CD163L1: variants seen among roughly 807,000 people sequenced by gnomAD.
CD163L1 encodes CD163 molecule like 1, also known as scavenger receptor cysteine-rich type 1 protein M160.
A neutral mutation model predicts 165.4 loss-of-function variants in CD163L1; 124 were observed. The observed-to-expected ratio is 0.75, with a 90% confidence interval of 0.65 to 0.87. The LOEUF (loss-of-function observed/expected upper bound fraction) is 0.87. Ranked by LOEUF, CD163L1 falls within the 40% of genes least tolerant of loss-of-function variation. The pLI is 0.00. For synonymous variants in CD163L1, 585 were observed against 662.2 expected, an observed-to-expected ratio of 0.88 and a Z score of 1.79; for missense variants, 1,525 against 1,799.9, an observed-to-expected ratio of 0.85 and a Z score of 2.76.
rs768093027 is a variant in CD163L1, at chr12:7,406,802, C to T, written c.817G>A (p.Gly273Arg). The change falls in exon 5 of 20, where the codon GGG (glycine) becomes AGG (arginine). Residue 273 changes from glycine to arginine, a missense_variant. Physicochemically the swap from Gly to Arg is moderately radical, Grantham distance 125. Coordinates refer to ENST00000313599, the MANE Select transcript of CD163L1 (RefSeq NM_174941.6). ...CCTTGGATTTTCAGCTCTACTCTCCCCATACAGCGGTTAGTTCCACCTACA... is the reference window on the plus strand; with the variant it reads ...CCTTGGATTTTCAGCTCTACTCTCCTCATACAGCGGTTAGTTCCACCTACA... Reference protein sequence around the residue: ...RLVGGTNRCMGRVELKIQGRW... With the variant: ...RLVGGTNRCMRRVELKIQGRW... 17 of 1,614,032 alleles carry T rather than the reference C, an allele frequency of 1.1e-5. No homozygotes were observed. The South Asian group carries it at 1.9e-4, about 18-fold the overall frequency.
At position 7,357,468 on chromosome 12, in the gene CD163L1, C is replaced by T; in HGVS notation, c.4298G>A (p.Gly1433Asp). ...CGATGTGTCGCTAGCATCTTCACAA[C>T]CATGGTTGGGGGTGTCATCTGAAAG... The part of the protein sequence containing the change: ...TRTSDDTPNH[G>D]CEDASDTSLL... The change falls in exon 19 of 20, where the codon GGT becomes GAT. Residue 1433 changes from glycine (G) to aspartate (D), a missense_variant. Transcript: ENST00000313599. 6.2e-7 allele frequency: 1 copy of T among 1,612,572 alleles called. No individual in the cohort carries two copies. The highest frequency in any genetic ancestry group is 8.5e-7 in the Non-Finnish European group (1 of 1,179,010).
intron 2 of CD163L1, chr12:7,439,984 T>C (rs1434460896): frequency 2.6e-6 from 4 of 1,552,364 alleles, no homozygotes; most frequent in Non-Finnish European, 3.5e-6. Flanking sequence ...CGCAGCCTGC[T>C]CCATCCTAGC....
At chr12:7,413,386 G>T (rs1041377200) in intron 4 of CD163L1, among the ~76,000 whole-genome samples, 1 of 152,056 alleles carries the variant, frequency 6.6e-6, no homozygotes, top group Non-Finnish European at 1.5e-5. Context: ...GAATAATCTG[G>T]GGACCATCAG....
chr12:7,318,807 A>C, the CD163L1 span, among the ~76,000 whole-genome samples: 1 of 152,226 alleles, frequency 6.6e-6, no homozygotes, highest in African/African-American at 2.4e-5. Context: ...GTTTAACAAA[A>C]TACATATTAT....
Position 7,432,320 on chromosome 12 carries a change from A to G in CD163L1, c.766+96T>C. ...ACAAAAATGTGTTATAACCAGAGAA[A>G]ATTCTTCTCCAGAGAATGATTGACC... On this transcript the variant is annotated intron_variant, in intron 4 of 19. Coordinates refer to ENST00000313599, the MANE Select transcript of CD163L1 (RefSeq NM_174941.6). This position sits in a 1 kb window ranked among gnomAD's most constrained non-coding sequence, Gnocchi z 4.2. 1 of 956,896 alleles carries G rather than the reference A, an allele frequency of 1.0e-6. No homozygotes were observed. Among genetic ancestry groups the G allele is most frequent in the Non-Finnish European group, 1.5e-6 (1 of 646,040 alleles). The allele number at this position is 956,896 out of a possible 1,614,324, so 59.3% of individuals were successfully genotyped here. A position where few individuals can be genotyped will look rare whatever the true frequency, so the allele number is the denominator to read the frequency against.
rs1371523257 is a variant in CD163L1 at position 7,369,705 on chromosome 12, G to C, written c.3731-40C>G. ...AACATGGCTGTCTTTACTCCTGAAG[G>C]AGGTTGTGGGAGAATGCTGAGGTAG... is the stretch of plus-strand genomic sequence containing the variant. On this transcript the variant is annotated intron_variant, in intron 14 of 19. Coordinates refer to ENST00000313599, the MANE Select transcript of CD163L1 (RefSeq NM_174941.6). This position sits in a 1 kb window ranked among gnomAD's most constrained non-coding sequence, Gnocchi z 4.9. 1 of 1,562,398 alleles carries C rather than the reference G, an allele frequency of 6.4e-7. No individual in the cohort carries two copies. The highest frequency in any genetic ancestry group is 8.7e-7 in the Non-Finnish European group (1 of 1,145,062).
chr12:7,404,561 C>T (rs2136526225), intron 5 of CD163L1, among the ~76,000 whole-genome samples: 1 of 152,112 alleles, frequency 6.6e-6, no homozygotes, highest in Non-Finnish European at 1.5e-5. Context: ...TATTAAATAA[C>T]CCCAAGAAAG....
At chr12:7,383,073 C>T (rs1161909283) in intron 8 of CD163L1, among the ~76,000 whole-genome samples, 1 of 152,214 alleles carries the variant, frequency 6.6e-6, no homozygotes, top group Non-Finnish European at 1.5e-5. Context: ...AGCAGGGACA[C>T]TGTGCACTTT....
intron 4 of CD163L1, among the ~76,000 whole-genome samples, chr12:7,409,443 T>C (rs1226771384): frequency 6.6e-6 from 1 of 152,124 alleles, no homozygotes; most frequent in East Asian, 1.9e-4. Context: ...AGGATGAAAC[T>C]GTTCTGCCTC....
At chr12:7,420,864 A>G (rs1262066447) in intron 4 of CD163L1, among the ~76,000 whole-genome samples, 1 of 151,572 alleles carries the variant, frequency 6.6e-6, no homozygotes, top group Non-Finnish European at 1.5e-5. Flanking sequence ...CGAGAGGAAA[A>G]GAAGTCATTA....
intron 18 of CD163L1, among the ~76,000 whole-genome samples, chr12:7,363,640 T>G (rs991929696): frequency 2.0e-5 from 3 of 151,816 alleles, no homozygotes; most frequent in Admixed American, 2.0e-4. Flanking sequence ...AAAAATATTA[T>G]GAACAACTAT....
chr12:7,342,274 C>T (rs1446593234), downstream of CD163L1, among the ~76,000 whole-genome samples: 1 of 152,340 alleles, frequency 6.6e-6, no homozygotes. Flanking sequence ...GGTGGAAAAC[C>T]ACTTAAAGGC....
At chr12:7,380,682 T>C (rs1010057267) in intron 8 of CD163L1, among the ~76,000 whole-genome samples, 2 of 152,240 alleles carry the variant, frequency 1.3e-5, no homozygotes, top group South Asian at 2.1e-4. Flanking sequence ...GTTCAGTGTA[T>C]ACTGCTTGGG....
chr12:7,378,418 A>G (rs1947316353), intron 9 of CD163L1, among the ~76,000 whole-genome samples: 1 of 152,176 alleles, frequency 6.6e-6, no homozygotes, highest in African/African-American at 2.4e-5. Flanking sequence ...TCATGCTTAC[A>G]ACCTTCAATG....
intron 4 of CD163L1, among the ~76,000 whole-genome samples, chr12:7,410,347 T>C (rs1948111132): frequency 6.6e-6 from 1 of 152,178 alleles, no homozygotes; most frequent in Non-Finnish European, 1.5e-5. Context: ...GGCTCATGCC[T>C]GTAATCTCAG....
chr12:7,340,009 G>C, the CD163L1 span, among the ~76,000 whole-genome samples: 1 of 152,116 alleles, frequency 6.6e-6, no homozygotes. Flanking sequence ...AATTCCTGCA[G>C]GTTGTGTATA....
At chr12:7,364,797 A>G (rs1946977710) in intron 18 of CD163L1, among the ~76,000 whole-genome samples, 1 of 152,146 alleles carries the variant, frequency 6.6e-6, no homozygotes, top group Non-Finnish European at 1.5e-5. Context: ...AGGACAAAAA[A>G]AAAGAAGTAT....
At chr12:7,383,697 A>T (rs35958902) in intron 8 of CD163L1, among the ~76,000 whole-genome samples, 9,850 of 152,274 alleles carry the variant, frequency 0.065, 659 homozygotes, top group Admixed American at 0.21. Flanking sequence ...GAAATCCCAG[A>T]CACTCTTCAC....
chr12:7,394,463 A>C (rs1190613492), intron 8 of CD163L1, among the ~76,000 whole-genome samples: 2 of 152,224 alleles, frequency 1.3e-5, no homozygotes, highest in South Asian at 2.1e-4. Flanking sequence ...TAAAGACTTC[A>C]ATGTTAGACC....
Sources: allele counts gnomAD v4.1 joint callset (sites outside exome capture counted in the v4.1 genomes callset), GRCh38; gene constraint gnomAD v4.1.1; non-coding constraint Gnocchi (gnomAD v3.1); transcripts MANE v1.5; gene names NCBI Gene and HGNC (gene_info 2026-07-23, HGNC 2026-07-21).